Variants in KLF3 observed in about 807,000 individuals in gnomAD.
KLF3 encodes the protein Krueppel-like factor 3.
In KLF3, 6 loss-of-function variants were observed where a neutral mutation model predicts 32.7. The ratio of observed to expected loss-of-function variants is 0.18; its 90% CI spans 0.10 to 0.36. The LOEUF (loss-of-function observed/expected upper bound fraction) is 0.36. Among genes scored for constraint, KLF3 ranks in the 10% least tolerant of loss-of-function variants. The pLI, the probability that KLF3 is intolerant of heterozygous loss-of-function variation, is 1.00. For synonymous variants in KLF3, 145 were observed against 172.8 expected (o/e 0.84, Z 1.26); for missense variants, 338 against 449.7 (o/e 0.75, Z 2.25).
intron 1 of KLF3, among the ~76,000 whole-genome samples, chr4:38,665,304 G>C (rs1178002279): frequency 1.3e-5 from 2 of 152,162 alleles, no homozygotes; most frequent in African/African-American, 2.4e-5. Flanking sequence ...AGCCGAGCCT[G>C]ATGGGGACCC....
intron 1 of KLF3, among the ~76,000 whole-genome samples, chr4:38,675,772 A>G (rs1049859113): frequency 4.6e-5 from 7 of 152,188 alleles, no homozygotes; most frequent in African/African-American, 1.7e-4. Flanking sequence ...TTTTCTAAGC[A>G]TTTGTGGTTT....
intron 2 of KLF3, among the ~76,000 whole-genome samples, chr4:38,682,418 T>TCC (rs1347057065): frequency 6.6e-6 from 1 of 152,164 alleles, no homozygotes; most frequent in East Asian, 1.9e-4. Flanking sequence ...CAAATCCCCC[T>TCC]CCCCGGCATC....
At chr4:38,665,297 C>T (rs1047292789) in intron 1 of KLF3, among the ~76,000 whole-genome samples, 2 of 152,072 alleles carry the variant, frequency 1.3e-5, no homozygotes, top group African/African-American at 4.8e-5. Flanking sequence ...TGCCTGCAGC[C>T]GAGCCTGATG....
rs879809368 is a variant in KLF3, at chr4:38,664,389, TC to T, written c.-111del. On this transcript the variant is annotated 5_prime_UTR_variant, in exon 1 of 6. Transcript: ENST00000261438. Reference sequence around the variant, plus strand: ...GACTGGAGCCCTGACATTGCTGCGCTCGGGGGGCTCCAGGCAGCCCGTATCG... The same window carrying T: ...GACTGGAGCCCTGACATTGCTGCGCTGGGGGGCTCCAGGCAGCCCGTATCG... 2.6e-5 allele frequency: 4 copies of T among 152,040 alleles called. No individual in the cohort carries two copies. In the East Asian group the frequency reaches 7.8e-4, roughly 30 times the overall value. 9.4% of individuals were successfully genotyped at this position (152,040 alleles called of 1,614,324 possible).
intron 1 of KLF3, among the ~76,000 whole-genome samples, chr4:38,670,125 A>G (rs1046605388): frequency 2.0e-5 from 3 of 152,036 alleles, no homozygotes; most frequent in Non-Finnish European, 4.4e-5. Flanking sequence ...ATTCATTATC[A>G]TTTCTCCATC....
chr4:38,689,548 T>C (rs745685157), intron 3 of KLF3, among the ~76,000 whole-genome samples, 181 bp from the exon 4 acceptor site: 11 of 152,200 alleles, frequency 7.2e-5, no homozygotes, highest in Non-Finnish European at 1.5e-4. Flanking sequence ...TATTTGCTGC[T>C]TACTGGCAAA....
chr4:38,664,487 C>T (rs1721931732), intron 1 of KLF3, 26 bp downstream of exon 1: 2 of 152,558 alleles, frequency 1.3e-5, no homozygotes, highest in Non-Finnish European at 2.9e-5. Flanking sequence ...CTCACCTCTG[C>T]TCCGCACCCT....
intron 1 of KLF3, among the ~76,000 whole-genome samples, chr4:38,666,340 C>T (rs950423921): frequency 2.0e-5 from 3 of 150,794 alleles, no homozygotes; most frequent in Admixed American, 1.3e-4. Context: ...AAAACCCAAT[C>T]TTCTTGTTGC....
chr4:38,669,257 A>G (rs1722130716), intron 1 of KLF3, among the ~76,000 whole-genome samples: 1 of 152,206 alleles, frequency 6.6e-6, no homozygotes, highest in African/African-American at 2.4e-5. Flanking sequence ...TCTTAAAACA[A>G]TTGATATCTA....
At position 38,680,687 on chromosome 4, in the gene KLF3, G is replaced by GTTTTCCAAGATTGAACACCTCGC. The variant is rs1241059262; in HGVS notation, c.57+6_57+28dup. The GTTTTCCAAGATTGAACACCTCGC allele has an allele frequency of 1.2e-6, 2 of 1,606,858 alleles. No individual in the cohort carries two copies. Among genetic ancestry groups the GTTTTCCAAGATTGAACACCTCGC allele is most frequent in the Non-Finnish European group, 1.7e-6 (2 of 1,173,618 alleles). ...GCCATGGACCCTGTCTCAGTGGTAA[G>GTTTTCCAAGATTGAACACCTCGC]TTTTCCAAGATTGAACACCTCGCCT... On this transcript the variant is annotated splice_donor_region_variant and intron_variant, in intron 2 of 5. Coordinates refer to ENST00000261438, the MANE Select transcript of KLF3 (RefSeq NM_016531.6).
chr4:38,679,228 GT>G (rs1385005808), intron 1 of KLF3, among the ~76,000 whole-genome samples: 2 of 152,152 alleles, frequency 1.3e-5, no homozygotes, highest in African/African-American at 4.8e-5. Context: ...ATAAGAAGTG[GT>G]GGAGGCTGTC....
chr4:38,668,769 A>G (rs1278328452), intron 1 of KLF3, among the ~76,000 whole-genome samples: 1 of 152,218 alleles, frequency 6.6e-6, no homozygotes, highest in African/African-American at 2.4e-5. Context: ...CTTTCCCCAA[A>G]TTCTTTCTTC....
At chr4:38,673,738 T>G (rs190629775) in intron 1 of KLF3, among the ~76,000 whole-genome samples, 2 of 152,076 alleles carry the variant, frequency 1.3e-5, no homozygotes, top group African/African-American at 4.8e-5. Context: ...TTCTGCTTGG[T>G]TGTTACCTTT....
chr4:38,680,688 T>G lies in KLF3; in HGVS notation c.57+6T>G, dbSNP rs1579122997. 1 of 1,605,548 alleles carries G rather than the reference T, an allele frequency of 6.2e-7. No homozygotes were observed. Among genetic ancestry groups the G allele is most frequent in the East Asian group, 2.2e-5 (1 of 44,820 alleles). ...CCATGGACCCTGTCTCAGTGGTAAG[T>G]TTTCCAAGATTGAACACCTCGCCTT... is the stretch of plus-strand genomic sequence containing the variant. On this transcript the variant is annotated splice_donor_region_variant and intron_variant, in intron 2 of 5. Transcript: ENST00000261438.
chr4:38,668,708 C>T (rs1391956326), intron 1 of KLF3, among the ~76,000 whole-genome samples: 1 of 152,100 alleles, frequency 6.6e-6, no homozygotes, highest in African/African-American at 2.4e-5. Flanking sequence ...TGTTTTGGTT[C>T]CAAAGTTGTT....
At chr4:38,692,849 A>G (rs949288962) in intron 4 of KLF3, among the ~76,000 whole-genome samples, 1 of 152,252 alleles carries the variant, frequency 6.6e-6, no homozygotes, top group Non-Finnish European at 1.5e-5. Context: ...TTTTATAGTT[A>G]ATAATTAAAT....
rs1723119805 is a variant in KLF3, at chr4:38,698,682, G to A, written c.*1419G>A. On this transcript the variant is annotated 3_prime_UTR_variant, in exon 6 of 6. Transcript: ENST00000261438. ...ACTGAAAATAATGGCTCGTGTTTATGTTGAAGATAAATAGCACCATTATTG... is the reference window on the plus strand; with the variant it reads ...ACTGAAAATAATGGCTCGTGTTTATATTGAAGATAAATAGCACCATTATTG... 1 of 152,204 alleles carries A rather than the reference G, an allele frequency of 6.6e-6. No homozygotes were observed. Among genetic ancestry groups the A allele is most frequent in the Non-Finnish European group, 1.5e-5 (1 of 68,022 alleles). The allele number at this position is 152,204 out of a possible 1,614,324, so 9.4% of individuals were successfully genotyped here. A position where few individuals can be genotyped will look rare whatever the true frequency, so the allele number is the denominator to read the frequency against.
chr4:38,690,206 A>C, intron 4 of KLF3: 1 of 260,416 alleles, frequency 3.8e-6, no homozygotes, highest in Non-Finnish European at 7.2e-6. Flanking sequence ...CATTATGAGA[A>C]TCCTTGTATA....
At position 38,694,889 on chromosome 4, in the gene KLF3, A is replaced by G; in HGVS notation, c.839A>G (p.His280Arg). The change falls in exon 5 of 6, where the codon CAC (histidine) becomes CGC (arginine). Residue 280 changes from histidine to arginine, a missense_variant. By Grantham distance (29) the His-to-Arg change is conservative (BLOSUM62 0). Transcript: ENST00000261438. ...VYTKSSHLKA[H>R]RRTHTGEKPY... is the part of the protein sequence containing the mutation. ...ACTAAAAGCTCCCACTTGAAAGCAC[A>G]CAGAAGAACACACACAGGTAATAGA... 1 of 1,605,168 alleles carries G rather than the reference A, an allele frequency of 6.2e-7. No homozygotes were observed. Among genetic ancestry groups the G allele is most frequent in the Non-Finnish European group, 8.5e-7 (1 of 1,177,048 alleles).
Sources: gnomAD v4.1 joint callset for allele counts (sites outside exome capture counted in the v4.1 genomes callset) on GRCh38, gnomAD v4.1.1 for gene constraint, MANE v1.5 for transcripts, NCBI Gene and HGNC (gene_info 2026-07-23, HGNC 2026-07-21) for gene names.